PALS1: variants seen among roughly 807,000 people sequenced by gnomAD.
PALS1 encodes the protein protein PALS1.
A neutral mutation model predicts 78.9 loss-of-function variants in PALS1; 31 were observed. That is an observed-to-expected ratio of 0.39 (90% CI 0.30 to 0.53). The LOEUF (loss-of-function observed/expected upper bound fraction) is 0.53, where lower values mean the gene tolerates loss of function less well. PALS1 is among the 20% of genes least tolerant of loss of function. The probability of loss-of-function intolerance (pLI) is 0.67; values close to 1 mark genes in which losing one functional copy is unlikely to be tolerated. For synonymous variants in PALS1, 276 were observed against 270.9 expected, an observed-to-expected ratio of 1.02 and a Z score of -0.18; for missense variants, 704 against 826.5, an observed-to-expected ratio of 0.85 and a Z score of 1.82.
At chr14:67,331,233 C>T (rs931825853) in intron 14 of PALS1, among the ~76,000 whole-genome samples, 6 of 151,894 alleles carry the variant, frequency 4.0e-5, no homozygotes, top group Admixed American at 3.3e-4. Context: ...TTAATAGAGA[C>T]GGGGTTTTGC....
At chr14:67,296,537 GT>G (rs1213834408) in intron 4 of PALS1, among the ~76,000 whole-genome samples, 5 of 137,506 alleles carry the variant, frequency 3.6e-5, no homozygotes, top group African/African-American at 1.4e-4. Flanking sequence ...AGCCAAGATC[GT>G]GCCACTGCAC....
At chr14:67,323,502 C>T (rs531918026) in intron 13 of PALS1, among the ~76,000 whole-genome samples, 200 bp from the exon 14 acceptor site, 303 of 151,616 alleles carry the variant, frequency 2.0e-3, no homozygotes, top group African/African-American at 6.9e-3. Flanking sequence ...ATAGTCCTAG[C>T]TACTGGGGAT....
intron 11 of PALS1, among the ~76,000 whole-genome samples, chr14:67,318,086 T>C (rs2085205615): frequency 6.6e-6 from 1 of 152,210 alleles, no homozygotes; most frequent in South Asian, 2.1e-4. Flanking sequence ...TTACTGATTT[T>C]ATTACCTCCT....
intron 3 of PALS1, among the ~76,000 whole-genome samples, chr14:67,281,023 C>T (rs574955211): frequency 2.6e-5 from 4 of 151,774 alleles, no homozygotes; most frequent in Admixed American, 2.0e-4. Context: ...CTTAGCCTCC[C>T]GAGTGGCTGG....
In PALS1 at chr14:67,333,440, T is replaced by TG. The variant is rs2085480141; in HGVS notation, c.*484_*485insG. The TG allele has an allele frequency of 2.6e-5, 4 of 152,788 alleles. No individual in the cohort carries two copies. Among genetic ancestry groups the TG allele is most frequent in the Admixed American group, 2.6e-4 (4 of 15,292 alleles). 9.5% of individuals were successfully genotyped at this position (152,788 alleles called of 1,614,324 possible). A position where few individuals can be genotyped will look rare whatever the true frequency, so the allele number is the denominator to read the frequency against. On this transcript the variant is annotated 3_prime_UTR_variant, in exon 15 of 15. Coordinates refer to ENST00000261681, the MANE Select transcript of PALS1 (RefSeq NM_022474.4). ...AGGCAGTATTTGCTTAGGAAACTAA[T>TG]TTAGTCATCAGAGATACTTTCCTAA...
chr14:67,254,789 C>G (rs1052457322), intron 1 of PALS1, among the ~76,000 whole-genome samples: 2 of 152,216 alleles, frequency 1.3e-5, no homozygotes, highest in East Asian at 3.8e-4. Flanking sequence ...AGGTAATCAT[C>G]TACTAATTTG....
In PALS1 at chr14:67,279,083, A is replaced by T; in HGVS notation, c.-88A>T. The T allele has an allele frequency of 8.1e-6, 10 of 1,234,618 alleles. No individual in the cohort carries two copies. Among genetic ancestry groups the T allele is most frequent in the Middle Eastern group, 2.1e-4 (1 of 4,862 alleles). 76.5% of individuals were successfully genotyped at this position (1,234,618 alleles called of 1,614,324 possible). ...TGTGAGAAGTTTTTTTTTTTGAAGTAACATGGATTTTATACTACAGAATCA... is the reference window on the plus strand; with the variant it reads ...TGTGAGAAGTTTTTTTTTTTGAAGTTACATGGATTTTATACTACAGAATCA... On this transcript the variant is annotated 5_prime_UTR_variant, in exon 3 of 15. Coordinates refer to ENST00000261681, the MANE Select transcript of PALS1 (RefSeq NM_022474.4).
chr14:67,272,921 G>A (rs566789037), intron 2 of PALS1, among the ~76,000 whole-genome samples: 4 of 152,122 alleles, frequency 2.6e-5, no homozygotes, highest in Non-Finnish European at 5.9e-5. Context: ...CACAGCCTCA[G>A]CCTCAGCCTC....
intron 8 of PALS1, chr14:67,312,028 T>C (rs948307984): frequency 4.6e-5 from 7 of 152,646 alleles, no homozygotes; most frequent in African/African-American, 1.7e-4. Context: ...GTGTACCTTT[T>C]CTAGTAGCTG....
At chr14:67,315,504 C>T (rs1049013175) in intron 9 of PALS1, among the ~76,000 whole-genome samples, 1 of 152,044 alleles carries the variant, frequency 6.6e-6, no homozygotes, top group Non-Finnish European at 1.5e-5. Flanking sequence ...TCTTGATCTC[C>T]TGACCTCGTG....
chr14:67,258,405 G>A (rs999803190), intron 1 of PALS1, among the ~76,000 whole-genome samples: 2 of 152,100 alleles, frequency 1.3e-5, no homozygotes, highest in Non-Finnish European at 2.9e-5. Context: ...CTGTAGTGGT[G>A]GGTGCCTGTA....
At chr14:67,244,284 G>A (rs1302577759) in intron 1 of PALS1, among the ~76,000 whole-genome samples, 1 of 152,178 alleles carries the variant, frequency 6.6e-6, no homozygotes, top group Non-Finnish European at 1.5e-5. Flanking sequence ...TGGAATTGCT[G>A]ATAATAGGTT....
At chr14:67,261,536 A>G (rs1275339681) in intron 1 of PALS1, among the ~76,000 whole-genome samples, 1 of 152,158 alleles carries the variant, frequency 6.6e-6, no homozygotes. Flanking sequence ...TAGGATATTC[A>G]TTTTTAAGCT....
At chr14:67,332,670 C>T in intron 14 of PALS1, 110 bp from the exon 15 acceptor site, 1 of 1,120,554 alleles carries the variant, frequency 8.9e-7, no homozygotes, top group East Asian at 2.6e-5. Context: ...TTGGGAGAGA[C>T]AGAAGGAAAG....
Position 67,265,956 on chromosome 14 carries a change from T to A in PALS1, c.-236-3745T>A, listed in dbSNP as rs999575799. 9.2e-5 allele frequency among the ~76,000 whole-genome samples: 14 copies of A among 152,112 alleles called. 1 individual carries two copies. In the South Asian group the frequency reaches 1.0e-3, roughly 11 times the overall value. On this transcript the variant is annotated intron_variant, in intron 1 of 14. Coordinates refer to ENST00000261681, the MANE Select transcript of PALS1 (RefSeq NM_022474.4). ...CTGTATCTGTCCATTAAAAAACTTT[T>A]AAAAAAAATCTGTAAAAGTATTATT...
chr14:67,279,560 CAG>C (rs1437192580), intron 3 of PALS1, 23 bp downstream of exon 3: 3 of 1,505,096 alleles, frequency 2.0e-6, no homozygotes, highest in East Asian at 4.6e-5. Context: ...AGAGGTATAA[CAG>C]AAAACATTTT....
intron 14 of PALS1, among the ~76,000 whole-genome samples, chr14:67,328,884 T>C (rs1327569301): frequency 6.6e-6 from 1 of 152,212 alleles, no homozygotes; most frequent in Non-Finnish European, 1.5e-5. Flanking sequence ...ACTGTAGCCT[T>C]GTAGTATAGT....
chr14:67,329,319 A>G (rs1226561488), intron 14 of PALS1, among the ~76,000 whole-genome samples: 1 of 152,180 alleles, frequency 6.6e-6, no homozygotes, highest in Non-Finnish European at 1.5e-5. Flanking sequence ...ATTTCTGCAC[A>G]TTGATTTTGT....
chr14:67,323,456 A>C (rs1388016455), intron 13 of PALS1, among the ~76,000 whole-genome samples: 1 of 151,618 alleles, frequency 6.6e-6, no homozygotes, highest in East Asian at 1.9e-4. Context: ...CTCTACAAAA[A>C]AGTAAAAAGT....
Sources: allele counts gnomAD v4.1 joint callset (sites outside exome capture counted in the v4.1 genomes callset), GRCh38; gene constraint gnomAD v4.1.1; transcripts MANE v1.5; gene names NCBI Gene and HGNC (gene_info 2026-07-23, HGNC 2026-07-21).